The following PCNX4 variants were observed in gnomAD, a reference collection of about 807,000 sequenced individuals.
The protein encoded by PCNX4 is pecanex 4.
Under a neutral mutation model 107.2 loss-of-function variants are expected in PCNX4, and 103 were observed. That is an observed-to-expected ratio of 0.96 (90% CI 0.82 to 1.13). The LOEUF is 1.13. PCNX4 is among the 50% of genes most tolerant of loss of function. The probability of loss-of-function intolerance (pLI) is 0.00; values close to 1 mark genes in which losing one functional copy is unlikely to be tolerated. For missense variants in PCNX4, 1,528 were observed against 1,379.4 expected, an observed-to-expected ratio of 1.11 and a Z score of -1.71; for synonymous variants, 541 against 481.7, an observed-to-expected ratio of 1.12 and a Z score of -1.61.
intron 2 of PCNX4, among the ~76,000 whole-genome samples, chr14:60,113,633 T>G (rs948792282): frequency 1.3e-5 from 2 of 152,142 alleles, no homozygotes; most frequent in Admixed American, 6.5e-5. Flanking sequence ...CCTCCCAAAG[T>G]GCTGGGATTA....
At chr14:60,113,240 C>T (rs545197533) in intron 2 of PCNX4, among the ~76,000 whole-genome samples, 18 of 152,322 alleles carry the variant, frequency 1.2e-4, no homozygotes, top group African/African-American at 4.3e-4. Context: ...TTGGCATAGT[C>T]CTGACATCTA....
chr14:60,135,027 A>C lies in PCNX4; in HGVS notation c.*806A>C, dbSNP rs1896220348. 1 of 152,254 alleles carries C rather than the reference A, an allele frequency of 6.6e-6. No individual in the cohort carries two copies. Among genetic ancestry groups the C allele is most frequent in the Non-Finnish European group, 1.5e-5 (1 of 68,034 alleles). The allele number at this position is 152,254 out of a possible 1,614,324, so 9.4% of individuals were successfully genotyped here. ...GTCTTAAGGTATATGAACTAAAGTC[A>C]GAAGGAGATGGAAGAAAATTTTTAT... On this transcript the variant is annotated 3_prime_UTR_variant, in exon 11 of 11. Coordinates refer to ENST00000406854, the MANE Select transcript of PCNX4 (RefSeq NM_001330177.2).
intron 4 of PCNX4, 57 bp from the exon 5 acceptor site, chr14:60,115,662 A>C (rs1364162387): frequency 1.4e-6 from 2 of 1,467,660 alleles, no homozygotes; most frequent in African/African-American, 2.8e-5. Flanking sequence ...AGAATAAAAT[A>C]TGGTAGAAGG....
chr14:60,133,552 G>A (rs1896192117), intron 10 of PCNX4: 1 of 408,502 alleles, frequency 2.4e-6, no homozygotes, highest in Admixed American at 3.2e-5. Context: ...AAAAGCCACT[G>A]AATTGCATAT....
chr14:60,107,745 C>A lies in PCNX4; in HGVS notation c.107C>A (p.Ala36Asp). 1.2e-6 allele frequency: 2 copies of A among 1,612,532 alleles called. No homozygotes were observed. Among genetic ancestry groups the A allele is most frequent in the Non-Finnish European group, 1.7e-6 (2 of 1,179,650 alleles). Reference sequence around the variant, plus strand: ...CCTCGATTCAAATTAGGCTATTGTGCCCCTCCTTACATATATGTTAATCAA... The same window carrying A: ...CCTCGATTCAAATTAGGCTATTGTGACCCTCCTTACATATATGTTAATCAA... ...GGPRFKLGYCAPPYIYVNQII... is the reference protein window; with the variant it reads ...GGPRFKLGYCDPPYIYVNQII... The change falls in exon 2 of 11, where the codon GCC becomes GAC. Residue 36 changes from alanine to aspartate, a missense_variant. Ala to Asp is a moderately radical substitution (Grantham distance 126). Transcript: ENST00000406854.
intron 6 of PCNX4, among the ~76,000 whole-genome samples, chr14:60,116,806 C>G (rs1271016929): frequency 2.6e-5 from 4 of 151,984 alleles, no homozygotes; most frequent in African/African-American, 9.7e-5. Context: ...ATGTTATTGC[C>G]CCTGAAGACT....
At chr14:60,095,872 T>G (rs1895414492) in intron 1 of PCNX4, among the ~76,000 whole-genome samples, 1 of 151,718 alleles carries the variant, frequency 6.6e-6, no homozygotes, top group African/African-American at 2.4e-5. Context: ...CTAGGCCAGA[T>G]TTATAGCAAC....
Position 60,095,629 on chromosome 14 carries a change from T to C in PCNX4, c.-54+3210T>C, listed in dbSNP as rs570209837. Among the ~76,000 whole-genome samples, 4 of 152,276 alleles carry C rather than the reference T, an allele frequency of 2.6e-5. No homozygotes were observed. The South Asian group carries it at 8.3e-4, about 32-fold the overall frequency. On this transcript the variant is annotated intron_variant, in intron 1 of 10. Transcript: ENST00000406854. ...TCCCTTCTTTTTTCTGTAAAATCTT[T>C]TGGAGAAAGCATTTTAAAAGGAAGA...
chr14:60,098,106 A>G (rs1485746322), intron 1 of PCNX4, among the ~76,000 whole-genome samples: 1 of 152,146 alleles, frequency 6.6e-6, no homozygotes, highest in Non-Finnish European at 1.5e-5. Flanking sequence ...TAAATCACAC[A>G]ACATCTCTGA....
At position 60,121,181 on chromosome 14, in the gene PCNX4, T is replaced by TTTTTTTTTTTTTTTTTTTTTTTC; in HGVS notation, c.1943-15_1943-14insTTTTTTTTTTTTTTTTTTTTTTC. On this transcript the variant is annotated splice_polypyrimidine_tract_variant and intron_variant, in intron 7 of 10. Coordinates refer to ENST00000406854, the MANE Select transcript of PCNX4 (RefSeq NM_001330177.2). Reference sequence around the variant, plus strand: ...ATTTTCTTTTTTTTTTTTTTTTTTTTCTAATTTGTTGTAGGTCTCCTCCTA... The same window carrying TTTTTTTTTTTTTTTTTTTTTTTC: ...ATTTTCTTTTTTTTTTTTTTTTTTTTTTTTTTTTTTTTTTTTTTTTTTCCTAATTTGTTGTAGGTCTCCTCCTA... The TTTTTTTTTTTTTTTTTTTTTTTC allele has an allele frequency of 6.6e-7, 1 of 1,523,418 alleles. No individual in the cohort carries two copies. The highest frequency in any genetic ancestry group is 8.8e-7 in the Non-Finnish European group (1 of 1,139,282). The allele number at this position is 1,523,418 out of a possible 1,614,324, so 94.4% of individuals were successfully genotyped here. A position where few individuals can be genotyped will look rare whatever the true frequency, so the allele number is the denominator to read the frequency against.
At position 60,124,917 on chromosome 14, in the gene PCNX4, T is replaced by C. The variant is rs775801628; in HGVS notation, c.2746T>C (p.Trp916Arg). 9 of 1,613,658 alleles carry C rather than the reference T, an allele frequency of 5.6e-6. No individual in the cohort carries two copies. The Admixed American group carries it at 1.5e-4, about 27-fold the overall frequency. ...TCACTTAGTATGCTTACCCGCAGAG[T>C]GGAGGACTAGCTGTATGCCCAGTTC... ...HSHLVCLPAEWRTSCMPSSKM... is the reference protein window; with the variant it reads ...HSHLVCLPAERRTSCMPSSKM... The change falls in exon 9 of 11, where the codon TGG becomes CGG. Residue 916 changes from tryptophan to arginine, a missense_variant. By Grantham distance (101) the Trp-to-Arg change is moderately radical. Transcript: ENST00000406854.
At position 60,118,639 on chromosome 14, in the gene PCNX4, TG is replaced by T; in HGVS notation, c.1891del (p.Val631CysfsTer4). 6.2e-7 allele frequency: 1 copy of T among 1,613,292 alleles called. No individual in the cohort carries two copies. The highest frequency in any genetic ancestry group is 8.5e-7 in the Non-Finnish European group (1 of 1,179,466). Reference protein sequence around the residue: ...VCADTVYYYQMVPRLTAVLQT... With the variant: ...VCADTVYYYQXVPRLTAVLQT... ...GCAGATACAGTGTACTACTACCAAA[TG>T]GTGCCCAGGTTGACTGCTGTACTGC... On this transcript the variant is annotated frameshift_variant, in exon 7 of 11. Transcript: ENST00000406854. LOFTEE classifies it high-confidence loss of function.
rs1896408305 is a variant in PCNX4, at chr14:60,146,431, T to G, written c.*12210T>G. The G allele has an allele frequency of 6.6e-6, 1 of 152,156 alleles. No homozygotes were observed. Among genetic ancestry groups the G allele is most frequent in the Admixed American group, 6.5e-5 (1 of 15,282 alleles). The allele number at this position is 152,156 out of a possible 1,614,324, so 9.4% of individuals were successfully genotyped here. A position where few individuals can be genotyped will look rare whatever the true frequency, so the allele number is the denominator to read the frequency against. On this transcript the variant is annotated 3_prime_UTR_variant, in exon 11 of 11. Transcript: ENST00000406854. This position sits in a 1 kb window ranked among gnomAD's most constrained non-coding sequence, Gnocchi z 4.9. The stretch of plus-strand genomic sequence containing the variant: ...TATATTCTTTCTCTGCCCTATTATT[T>G]AAATTGAGAATGTGAACCAGTACAG...
chr14:60,121,276 A>G lies in PCNX4; in HGVS notation c.2023A>G (p.Thr675Ala). 1 of 1,607,244 alleles carries G rather than the reference A, an allele frequency of 6.2e-7. No individual in the cohort carries two copies. The highest frequency in any genetic ancestry group is 8.5e-7 in the Non-Finnish European group (1 of 1,177,890). Residue 675 changes from threonine (T) to alanine (A), a missense_variant, in exon 8 of 11, where the codon ACT (threonine) becomes GCT (alanine). By Grantham distance (58) the Thr-to-Ala change is moderately conservative. Transcript: ENST00000406854. ...MWIMILECGY[T>A]YCSINIKGLE... is the part of the protein sequence containing the mutation. The stretch of plus-strand genomic sequence containing the variant: ...GATAATGATTCTGGAATGTGGCTAT[A>G]CTTACTGCTCTATTAACATTAAGGT...
chr14:60,112,623 G>T lies in PCNX4; in HGVS notation c.690-2077G>T, dbSNP rs143177492. Among the ~76,000 whole-genome samples, 438 of 152,168 alleles carry T rather than the reference G, an allele frequency of 2.9e-3. 1 individual carries two copies. Among genetic ancestry groups the T allele is most frequent in the African/African-American group, 9.4e-3 (391 of 41,514 alleles). On this transcript the variant is annotated intron_variant, in intron 2 of 10. Coordinates refer to ENST00000406854, the MANE Select transcript of PCNX4 (RefSeq NM_001330177.2). ...AGATTTAGGGGTAGAATCTAGTTTT[G>T]ATAAAAGATTTTATGAGCATACATT...
At chr14:60,114,588 G>T in intron 2 of PCNX4, 112 bp from the exon 3 acceptor site, 1 of 730,202 alleles carries the variant, frequency 1.4e-6, no homozygotes, top group Non-Finnish European at 2.1e-6. Context: ...GTGTGTGTGT[G>T]TGGTTTTTTT....
rs1347765181 is a variant in PCNX4, at chr14:60,146,787, C to T, written c.*12566C>T. The stretch of plus-strand genomic sequence containing the variant: ...TGTGAAAACATGGATAATGAATGGA[C>T]GTTAATGCTAAGTGATATAAGCAAG... On this transcript the variant is annotated 3_prime_UTR_variant, in exon 11 of 11. Coordinates refer to ENST00000406854, the MANE Select transcript of PCNX4 (RefSeq NM_001330177.2). The surrounding 1 kb of genome is among the most constrained non-coding windows in gnomAD (Gnocchi z 4.9). 1.3e-5 allele frequency: 2 copies of T among 151,964 alleles called. No homozygotes were observed. Among genetic ancestry groups the T allele is most frequent in the East Asian group, 1.9e-4 (1 of 5,192 alleles). The allele number at this position is 151,964 out of a possible 1,614,324, so 9.4% of individuals were successfully genotyped here. A position where few individuals can be genotyped will look rare whatever the true frequency, so the allele number is the denominator to read the frequency against.
In PCNX4 at chr14:60,124,261, G is replaced by A. The variant is rs377690494; in HGVS notation, c.2090G>A (p.Arg697His). Residue 697 changes from arginine to histidine, a missense_variant, in exon 9 of 11, where the codon CGC becomes CAC. Physicochemically the swap from Arg to His is conservative, Grantham distance 29. Coordinates refer to ENST00000406854, the MANE Select transcript of PCNX4 (RefSeq NM_001330177.2). The stretch of plus-strand genomic sequence containing the variant: ...ACATCCTGTCATACTGCAGAAGCTC[G>A]CAGAGTTGATGAAGTTTTTGAAGAT... ...QETSCHTAEA[R>H]RVDEVFEDAF... 44 of 1,602,246 alleles carry A rather than the reference G, an allele frequency of 2.7e-5. No individual in the cohort carries two copies. In the Middle Eastern group the frequency reaches 5.0e-4, roughly 18 times the overall value.
chr14:60,098,543 T>G (rs1895470002), intron 1 of PCNX4, among the ~76,000 whole-genome samples: 1 of 152,270 alleles, frequency 6.6e-6, no homozygotes, highest in Non-Finnish European at 1.5e-5. Flanking sequence ...TTTTCAGTCT[T>G]TCTTTTCTAG....
Sources: allele counts gnomAD v4.1 joint callset (sites outside exome capture counted in the v4.1 genomes callset), GRCh38; gene constraint gnomAD v4.1.1; non-coding constraint Gnocchi (gnomAD v3.1); transcripts MANE v1.5; gene names NCBI Gene and HGNC (gene_info 2026-07-23, HGNC 2026-07-21).